Variants in CAPN15 observed in about 807,000 individuals in gnomAD.
CAPN15 encodes the protein calpain 15.
Under a neutral mutation model 97.9 loss-of-function variants are expected in CAPN15, and 53 were observed. The observed-to-expected ratio is 0.54, with a 90% CI of 0.43 to 0.68. The LOEUF (loss-of-function observed/expected upper bound fraction) is 0.68. Ranked by LOEUF, CAPN15 falls within the 30% of genes least tolerant of loss-of-function variation. The pLI is 0.00. For missense variants in CAPN15, 1,592 were observed against 1,589.8 expected (o/e 1.00, Z -0.02); for synonymous variants, 922 against 722.5 (o/e 1.28, Z -4.43).
At position 549,342 on chromosome 16, in the gene CAPN15, G is replaced by C; in HGVS notation, c.1713G>C (p.Val571=). ...AGCGGCCGGACCTGGTGGAGCGGGT[G>C]ATGGTCACGCGCAGCCTGTGTGCAG... The part of the protein sequence containing the change: ...LAERPDLVER[V]MVTRSLCAEG... The change falls in exon 6 of 14, where the codon GTG becomes GTC. Residue 571 remains valine, a synonymous_variant. Transcript: ENST00000219611. The C allele has an allele frequency of 6.3e-7, 1 of 1,595,366 alleles. No individual in the cohort carries two copies. The highest frequency in any genetic ancestry group is 8.5e-7 in the Non-Finnish European group (1 of 1,177,424).
At position 549,730 on chromosome 16, in the gene CAPN15, G is replaced by A. The variant is rs2034855737; in HGVS notation, c.1958G>A (p.Gly653Asp). 2 of 1,580,526 alleles carry A rather than the reference G, an allele frequency of 1.3e-6. No individual in the cohort carries two copies. The highest frequency in any genetic ancestry group is 1.7e-6 in the Non-Finnish European group (2 of 1,164,290). Reference sequence around the variant, plus strand: ...ATCGAAGGCCTGGCCACGCTCACCGGCGCCCCCTGTGAGAGCCTGGCGCTG... The same window carrying A: ...ATCGAAGGCCTGGCCACGCTCACCGACGCCCCCTGTGAGAGCCTGGCGCTG... Reference protein sequence around the residue: ...RAIEGLATLTGAPCESLALQL... With the variant: ...RAIEGLATLTDAPCESLALQL... Residue 653 changes from glycine to aspartate, a missense_variant, in exon 7 of 14, where the codon GGC (glycine) becomes GAC (aspartate). Physicochemically the swap from Gly to Asp is moderately conservative, Grantham distance 94. Coordinates refer to ENST00000219611, the MANE Select transcript of CAPN15 (RefSeq NM_005632.3).
intron 3 of CAPN15, chr16:537,380 G>C (rs1383632569): frequency 1.0e-6 from 1 of 985,474 alleles, no homozygotes; most frequent in Non-Finnish European, 1.2e-6. Context: ...GGAGCAGGCG[G>C]GGCCTGGTAG....
In CAPN15 at chr16:552,484, C is replaced by A; in HGVS notation, c.2691C>A (p.Ala897=). Residue 897 remains alanine, a synonymous_variant, in exon 11 of 14, where the codon GCC becomes GCA. Coordinates refer to ENST00000219611, the MANE Select transcript of CAPN15 (RefSeq NM_005632.3). This position sits in a 1 kb window ranked among gnomAD's most constrained non-coding sequence, Gnocchi z 6.4. ...EPGEYAVVCC[A]FNHWGPPLPG... ...GCGAGTACGCTGTGGTGTGCTGCGC[C>A]TTCAACCACTGGGGGCCGCCCCTGC... 6.2e-7 allele frequency: 1 copy of A among 1,608,292 alleles called. No homozygotes were observed. The highest frequency in any genetic ancestry group is 2.2e-5 in the East Asian group (1 of 44,854).
At chr16:529,159 C>G (rs1209478417) in intron 1 of CAPN15, among the ~76,000 whole-genome samples, 1 of 151,988 alleles carries the variant, frequency 6.6e-6, no homozygotes, top group Admixed American at 6.6e-5. Context: ...CTGCTTCTGT[C>G]TGTGTCTGAG....
At chr16:532,654 C>T (rs572317841) in intron 1 of CAPN15, among the ~76,000 whole-genome samples, 2 of 151,790 alleles carry the variant, frequency 1.3e-5, no homozygotes, top group African/African-American at 4.8e-5. Context: ...AGATTGAGAC[C>T]ATCCTGGCTA....
chr16:549,226 T>TGGG, intron 5 of CAPN15, 25 bp downstream of exon 5: 1 of 44,276 alleles, frequency 2.3e-5, no homozygotes, highest in Admixed American at 4.7e-4. Flanking sequence ...AAGGCCGGGG[T>TGGG]GGGGCGGGTG....
Position 552,998 on chromosome 16 carries a change from C to T in CAPN15, c.3040C>T (p.Arg1014Cys), listed in dbSNP as rs757334558. 4 of 1,610,070 alleles carry T rather than the reference C, an allele frequency of 2.5e-6. No individual in the cohort carries two copies. The highest frequency in any genetic ancestry group is 1.1e-5 in the South Asian group (1 of 90,886). Residue 1014 changes from arginine (R) to cysteine (C), a missense_variant, in exon 13 of 14, where the codon CGC becomes TGC. Arg to Cys is a radical substitution (Grantham distance 180). Coordinates refer to ENST00000219611, the MANE Select transcript of CAPN15 (RefSeq NM_005632.3). The surrounding 1 kb of genome is among the most constrained non-coding windows in gnomAD (Gnocchi z 6.4). ...CTDSFNVVST[R>C]GSLRTQDSVP... is the part of the protein sequence containing the mutation. ...CGACAGCTTCAACGTGGTGTCCACA[C>T]GCGGCAGCCTGCGTACCCAGGATAG...
chr16:552,681 G>A lies in CAPN15; in HGVS notation c.2814G>A (p.Arg938=), dbSNP rs1273869524. The A allele has an allele frequency of 1.3e-6, 2 of 1,544,346 alleles. No individual in the cohort carries two copies. The highest frequency in any genetic ancestry group is 8.7e-7 in the Non-Finnish European group (1 of 1,146,128). ...PGHVLAVYSS[R]LVMVEPVEAQ... ...ACGTGCTGGCTGTGTACAGCTCGAG[G>A]CTGGTCATGGTGGAGCCCGTGGAAG... Residue 938 remains arginine, a synonymous_variant, in exon 12 of 14, where the codon AGG becomes AGA. Coordinates refer to ENST00000219611, the MANE Select transcript of CAPN15 (RefSeq NM_005632.3). This position sits in a 1 kb window ranked among gnomAD's most constrained non-coding sequence, Gnocchi z 6.4.
chr16:540,616 CT>C (rs2034048045), intron 3 of CAPN15, among the ~76,000 whole-genome samples: 1 of 152,252 alleles, frequency 6.6e-6, no homozygotes, highest in Non-Finnish European at 1.5e-5. Context: ...TTCTCACAGG[CT>C]GTGCTGCTCC....
At position 542,758 on chromosome 16, in the gene CAPN15, GA is replaced by G. The variant is rs60637004; in HGVS notation, c.-22-4049del. 4.0e-5 allele frequency among the ~76,000 whole-genome samples: 6 copies of G among 150,186 alleles called. No homozygotes were observed. The South Asian group carries it at 6.3e-4, about 16-fold the overall frequency. ...GTGCACCACCATAGCTGGTTAATTA[GA>G]AAAAAAAAATTTGGCCAGGCGCAGT... On this transcript the variant is annotated intron_variant, in intron 3 of 13. Coordinates refer to ENST00000219611, the MANE Select transcript of CAPN15 (RefSeq NM_005632.3).
chr16:549,465 C>T lies in CAPN15; in HGVS notation c.1836C>T (p.Phe612=), dbSNP rs1310281671. The change falls in exon 6 of 14, where the codon TTC becomes TTT. Residue 612 remains phenylalanine, a synonymous_variant. Transcript: ENST00000219611. The stretch of plus-strand genomic sequence containing the variant: ...GTGATGAGGCCGGCTGCCTCCTCTT[C>T]TCACAGGTGGGGCGGCCTGCAGGGT... ...LPCDEAGCLL[F]SQAQRKQLWV... 2.5e-6 allele frequency: 4 copies of T among 1,591,578 alleles called. No individual in the cohort carries two copies. Among genetic ancestry groups the T allele is most frequent in the Admixed American group, 1.7e-5 (1 of 58,960 alleles).
intron 1 of CAPN15, among the ~76,000 whole-genome samples, chr16:531,977 C>T (rs2033294634): frequency 6.6e-6 from 1 of 152,188 alleles, no homozygotes; most frequent in Non-Finnish European, 1.5e-5. Flanking sequence ...CGGTGGCTGA[C>T]ACCTGTAATC....
intron 1 of CAPN15, among the ~76,000 whole-genome samples, chr16:530,461 C>G (rs374623907): frequency 1.2e-4 from 18 of 152,338 alleles, no homozygotes; most frequent in Admixed American, 2.6e-4. Context: ...GGCGTGGACA[C>G]GGCCACACCT....
rs1345449915 is a variant in CAPN15, at chr16:552,110, A to G, written c.2405A>G (p.Gln802Arg). 2 of 1,548,656 alleles carry G rather than the reference A, an allele frequency of 1.3e-6. No individual in the cohort carries two copies. The highest frequency in any genetic ancestry group is 8.7e-7 in the Non-Finnish European group (1 of 1,146,746). The change falls in exon 10 of 14, where the codon CAG (glutamine) becomes CGG (arginine). Residue 802 changes from glutamine (Q) to arginine (R), a missense_variant. Gln to Arg is a conservative substitution (Grantham distance 43, BLOSUM62 1). Transcript: ENST00000219611. The surrounding 1 kb of genome is among the most constrained non-coding windows in gnomAD (Gnocchi z 6.4). ...VHSDWQEARVQGCFPSSASAP... is the reference protein window; with the variant it reads ...VHSDWQEARVRGCFPSSASAP... ...TCGGACTGGCAGGAGGCGCGGGTGC[A>G]GGGCTGCTTTCCCAGCTCGGCCAGC...
Position 546,884 on chromosome 16 carries a change from A to C in CAPN15, c.46A>C (p.Asn16His). The change falls in exon 4 of 14, where the codon AAC becomes CAC. Residue 16 changes from asparagine to histidine, a missense_variant. Physicochemically the swap from Asn to His is moderately conservative, Grantham distance 68. Transcript: ENST00000219611. The stretch of plus-strand genomic sequence containing the variant: ...GTCCTGTGTGCGCTGCACCTTCCTG[A>C]ACCCGGCCGGCCAGCGCCAGTGCTC... Reference protein sequence around the residue: ...EWSCVRCTFLNPAGQRQCSIC... With the variant: ...EWSCVRCTFLHPAGQRQCSIC... 6.2e-7 allele frequency: 1 copy of C among 1,611,662 alleles called. No homozygotes were observed. The highest frequency in any genetic ancestry group is 1.1e-5 in the South Asian group (1 of 91,020).
At chr16:546,244 C>T (rs1387594302) in intron 3 of CAPN15, among the ~76,000 whole-genome samples, 2 of 152,240 alleles carry the variant, frequency 1.3e-5, no homozygotes, top group Non-Finnish European at 2.9e-5. Flanking sequence ...GGTTTTCTTT[C>T]TTCCTGAACC....
chr16:548,546 G>A (rs932361156), intron 4 of CAPN15, among the ~76,000 whole-genome samples: 2 of 152,232 alleles, frequency 1.3e-5, no homozygotes, highest in African/African-American at 4.8e-5. Context: ...GGCCAGGAGG[G>A]CCCCGAGCCC....
chr16:550,903 G>C (rs1288019133), intron 7 of CAPN15, among the ~76,000 whole-genome samples: 1 of 120,842 alleles, frequency 8.3e-6, no homozygotes, highest in Non-Finnish European at 1.6e-5. Flanking sequence ...CCTGGTCGGT[G>C]AGGGTCCCGG....
intron 1 of CAPN15, chr16:528,655 G>C: frequency 1.1e-6 from 1 of 907,036 alleles, no homozygotes; most frequent in Middle Eastern, 5.6e-4. Flanking sequence ...TGTGTGGTCA[G>C]CTGGCCCTGG....
Sources: allele counts gnomAD v4.1 joint callset (sites outside exome capture counted in the v4.1 genomes callset), GRCh38; gene constraint gnomAD v4.1.1; non-coding constraint Gnocchi (gnomAD v3.1); transcripts MANE v1.5; gene names NCBI Gene and HGNC (gene_info 2026-07-23, HGNC 2026-07-21).